RAB6A: variants seen among roughly 807,000 people sequenced by gnomAD.
The protein encoded by RAB6A is ras-related protein Rab-6A.
A neutral mutation model predicts 32.3 loss-of-function variants in RAB6A; 8 were observed. The observed-to-expected ratio is 0.25, with a 90% CI of 0.15 to 0.45. The LOEUF is 0.45. RAB6A is among the 20% of genes least tolerant of loss of function. RAB6A has a pLI of 1.00. For synonymous variants in RAB6A, 73 were observed against 82.1 expected, an observed-to-expected ratio of 0.89 and a Z score of 0.60; for missense variants, 104 against 249.4, an observed-to-expected ratio of 0.42 and a Z score of 3.93.
intron 1 of RAB6A, among the ~76,000 whole-genome samples, chr11:73,739,280 A>ATACATAT (rs1389085059): frequency 1.1e-4 from 2 of 18,420 alleles, no homozygotes; most frequent in African/African-American, 2.4e-4. Flanking sequence ...AAAAAAAAAA[A>ATACATAT]AAAAATATAT....
At chr11:73,718,927 C>G (rs773416837) in intron 3 of RAB6A, 5 of 1,269,164 alleles carry the variant, frequency 3.9e-6, no homozygotes, top group Non-Finnish European at 5.5e-6. Flanking sequence ...AAAAAAAAAA[C>G]CAAACTAATA....
rs781565384 is a variant in RAB6A, at chr11:73,677,969, C to T, written c.563-7G>A. ...TCCAGTTTTATGTCAATCACTGAAACAAAAGTTAAGAAGCCATAAATGGGA... is the reference window on the plus strand; with the variant it reads ...TCCAGTTTTATGTCAATCACTGAAATAAAAGTTAAGAAGCCATAAATGGGA... On this transcript the variant is annotated splice_region_variant and splice_polypyrimidine_tract_variant and intron_variant, in intron 7 of 7. Coordinates refer to ENST00000336083, the MANE Select transcript of RAB6A (RefSeq NM_198896.2). 3.1e-6 allele frequency: 5 copies of T among 1,613,882 alleles called. No individual in the cohort carries two copies. The highest frequency in any genetic ancestry group is 1.3e-5 in the African/African-American group (1 of 75,034).
intron 1 of RAB6A, among the ~76,000 whole-genome samples, chr11:73,754,206 CTG>C (rs1274594403): frequency 6.6e-6 from 1 of 152,218 alleles, no homozygotes; most frequent in Non-Finnish European, 1.5e-5. Flanking sequence ...AAATCATTAA[CTG>C]TATGTACCAC....
chr11:73,702,047 G>C (rs774139116), intron 6 of RAB6A, among the ~76,000 whole-genome samples: 1 of 152,186 alleles, frequency 6.6e-6, no homozygotes, highest in Non-Finnish European at 1.5e-5. Flanking sequence ...AATACAAGAA[G>C]TAACAGCTGA....
intron 1 of RAB6A, among the ~76,000 whole-genome samples, chr11:73,746,664 G>A (rs1185912334): frequency 1.3e-5 from 2 of 151,948 alleles, no homozygotes; most frequent in Non-Finnish European, 2.9e-5. Flanking sequence ...CAGCTATGGT[G>A]AGAGGATTGC....
chr11:73,743,169 G>A (rs1450453001), intron 1 of RAB6A, among the ~76,000 whole-genome samples: 5 of 151,964 alleles, frequency 3.3e-5, no homozygotes, highest in Admixed American at 2.0e-4. Context: ...GCCAGATCTT[G>A]TGGTGGGCAC....
chr11:73,704,688 A>T (rs1945805486), intron 6 of RAB6A, among the ~76,000 whole-genome samples: 1 of 150,860 alleles, frequency 6.6e-6, no homozygotes, highest in Non-Finnish European at 1.5e-5. Context: ...CATCTCAAAA[A>T]AAATAAATAA....
chr11:73,714,760 G>C (rs1276672115), intron 5 of RAB6A, among the ~76,000 whole-genome samples: 2 of 151,988 alleles, frequency 1.3e-5, no homozygotes, highest in East Asian at 3.9e-4. Context: ...GAGGTCAGGA[G>C]TTCAAGATCA....
Position 73,703,914 on chromosome 11 carries a change from CAGCTA to C in RAB6A, c.495+3501_495+3505del, listed in dbSNP as rs1449545303. Among the ~76,000 whole-genome samples the C allele has an allele frequency of 4.0e-5, 6 of 151,602 alleles. No individual in the cohort carries two copies. The East Asian group carries it at 1.2e-3, about 29-fold the overall frequency. On this transcript the variant is annotated intron_variant, in intron 6 of 7. Transcript: ENST00000336083. Reference sequence around the variant, plus strand: ...GCGTGGTGGCATGCGCCTGTAGTCCCAGCTATTTGGGAGGCTGAGGCAGGAGAACT... The same window carrying C: ...GCGTGGTGGCATGCGCCTGTAGTCCCTTTGGGAGGCTGAGGCAGGAGAACT...
intron 6 of RAB6A, among the ~76,000 whole-genome samples, chr11:73,702,808 T>C (rs1353211493): frequency 1.3e-5 from 2 of 152,108 alleles, no homozygotes; most frequent in Non-Finnish European, 2.9e-5. Flanking sequence ...CAATTTAAGA[T>C]GTATACATTT....
intron 6 of RAB6A, among the ~76,000 whole-genome samples, chr11:73,696,148 T>C (rs1361844353): frequency 6.6e-6 from 1 of 152,200 alleles, no homozygotes; most frequent in Non-Finnish European, 1.5e-5. Context: ...GAGTGTTTTA[T>C]ACATAACTGA....
intron 2 of RAB6A, among the ~76,000 whole-genome samples, chr11:73,728,690 C>T (rs932595392): frequency 6.7e-6 from 1 of 148,974 alleles, no homozygotes. Context: ...TAACATGTTG[C>T]TGGATTCAGT....
chr11:73,724,484 G>GTTTTT (rs34665371), intron 2 of RAB6A, among the ~76,000 whole-genome samples: 13 of 123,356 alleles, frequency 1.1e-4, no homozygotes, highest in Non-Finnish European at 2.0e-4. Flanking sequence ...AATGCATTTC[G>GTTTTT]TTTTTTTTTT....
intron 6 of RAB6A, among the ~76,000 whole-genome samples, chr11:73,685,024 A>G (rs944884230): frequency 2.0e-5 from 3 of 152,216 alleles, no homozygotes; most frequent in African/African-American, 7.2e-5. Flanking sequence ...ACATAGTGAA[A>G]TTGAAAGGTA....
chr11:73,697,002 C>G (rs745335096), intron 6 of RAB6A, among the ~76,000 whole-genome samples: 1 of 152,170 alleles, frequency 6.6e-6, no homozygotes, highest in African/African-American at 2.4e-5. Flanking sequence ...CACTACTGCC[C>G]ACATGGTCTT....
intron 1 of RAB6A, among the ~76,000 whole-genome samples, chr11:73,755,578 C>G (rs1179413181): frequency 6.6e-6 from 1 of 152,158 alleles, no homozygotes; most frequent in Non-Finnish European, 1.5e-5. Flanking sequence ...TAGGCGTGAG[C>G]CACCGCACCC....
In RAB6A at chr11:73,675,691, T is replaced by TA. The variant is rs147186852; in HGVS notation, c.*2206dup. ...TTTTTGGCAGCAAAATTGTGTTTAT[T>TA]AAAAAAAAAACCTGGACTATGAACA... On this transcript the variant is annotated 3_prime_UTR_variant, in exon 8 of 8. Coordinates refer to ENST00000336083, the MANE Select transcript of RAB6A (RefSeq NM_198896.2). 1.2e-3 allele frequency: 188 copies of TA among 152,062 alleles called. No homozygotes were observed. Among genetic ancestry groups the TA allele is most frequent in the Non-Finnish European group, 6.9e-4 (46 of 66,900 alleles). The allele number at this position is 152,062 out of a possible 1,614,324, so 9.4% of individuals were successfully genotyped here. A position where few individuals can be genotyped will look rare whatever the true frequency, so the allele number is the denominator to read the frequency against.
chr11:73,679,837 A>G (rs1163352099), intron 6 of RAB6A, 117 bp from the exon 7 acceptor site: 44 of 1,365,404 alleles, frequency 3.2e-5, no homozygotes, highest in Non-Finnish European at 4.2e-5. Context: ...CACACCTGTA[A>G]TCCCAGCACT....
chr11:73,677,796 T>G lies in RAB6A; in HGVS notation c.*102A>C. 6.3e-7 allele frequency: 1 copy of G among 1,590,068 alleles called. No individual in the cohort carries two copies. The highest frequency in any genetic ancestry group is 8.6e-7 in the Non-Finnish European group (1 of 1,160,694). On this transcript the variant is annotated 3_prime_UTR_variant, in exon 8 of 8. Transcript: ENST00000336083. Reference sequence around the variant, plus strand: ...ATGATGAATTGCAATACGTTATTACTGAAGGGAAAAGGTTCAAGCCAATAT... The same window carrying G: ...ATGATGAATTGCAATACGTTATTACGGAAGGGAAAAGGTTCAAGCCAATAT...
Sources: gnomAD v4.1 joint callset for allele counts (sites outside exome capture counted in the v4.1 genomes callset) on GRCh38, gnomAD v4.1.1 for gene constraint, MANE v1.5 for transcripts, NCBI Gene and HGNC (gene_info 2026-07-23, HGNC 2026-07-21) for gene names.